The following RAPGEF5 variants were observed in gnomAD, a reference collection of about 807,000 sequenced individuals.
The protein encoded by RAPGEF5 is M-Ras-regulated GEF.
Under a neutral mutation model 125.2 loss-of-function variants are expected in RAPGEF5, and 65 were observed. That is an observed-to-expected ratio of 0.52 (90% CI 0.43 to 0.64). RAPGEF5 has a LOEUF of 0.64. RAPGEF5 is among the 30% of genes least tolerant of loss of function. The probability of loss-of-function intolerance (pLI) is 0.00; values close to 1 mark genes in which losing one functional copy is unlikely to be tolerated. For synonymous variants in RAPGEF5, 391 were observed against 385.9 expected (o/e 1.01, Z -0.16); for missense variants, 958 against 1,048.1 (o/e 0.91, Z 1.19).
chr7:22,319,943 C>T (rs1160727167), intron 1 of RAPGEF5, among the ~76,000 whole-genome samples: 1 of 152,124 alleles, frequency 6.6e-6, no homozygotes, highest in African/African-American at 2.4e-5. Context: ...TGGCTGTCTA[C>T]ACACTCGTGT....
At chr7:22,269,142 C>T (rs1782356113) in intron 6 of RAPGEF5, among the ~76,000 whole-genome samples, 1 of 142,516 alleles carries the variant, frequency 7.0e-6, no homozygotes, top group Non-Finnish European at 1.5e-5. Flanking sequence ...TGTACGATAG[C>T]TTCCGTGTTT....
chr7:22,334,356 T>G (rs528333584), intron 1 of RAPGEF5, among the ~76,000 whole-genome samples: 1 of 152,190 alleles, frequency 6.6e-6, no homozygotes, highest in Non-Finnish European at 1.5e-5. Flanking sequence ...AATACACTAT[T>G]CCTAAGGGCA....
intron 3 of RAPGEF5, among the ~76,000 whole-genome samples, chr7:22,312,754 T>C (rs1222191923): frequency 1.3e-5 from 2 of 152,250 alleles, no homozygotes; most frequent in East Asian, 1.9e-4. Flanking sequence ...TATCAAGTTA[T>C]GTTTTAAATC....
chr7:22,162,700 G>T (rs950309218), intron 12 of RAPGEF5, among the ~76,000 whole-genome samples, 159 bp from the exon 13 acceptor site: 1 of 152,314 alleles, frequency 6.6e-6, no homozygotes. Context: ...GCACTGAGAA[G>T]AGCAAAAGTA....
intron 1 of RAPGEF5, among the ~76,000 whole-genome samples, chr7:22,324,814 A>T (rs1327409325): frequency 6.6e-6 from 1 of 151,880 alleles, no homozygotes; most frequent in African/African-American, 2.4e-5. Flanking sequence ...TCCCGAAAAC[A>T]CCTCCCTACA....
At chr7:22,126,064 C>T (rs1782734519) in intron 24 of RAPGEF5, among the ~76,000 whole-genome samples, 2 of 152,128 alleles carry the variant, frequency 1.3e-5, no homozygotes, top group African/African-American at 2.4e-5. Context: ...ACAGGAGAAT[C>T]GCTTGAACCT....
intron 5 of RAPGEF5, among the ~76,000 whole-genome samples, chr7:22,301,422 T>C (rs1434434969): frequency 1.3e-5 from 2 of 152,058 alleles, no homozygotes; most frequent in African/African-American, 2.4e-5. Flanking sequence ...GAGACCATCC[T>C]GGCTAACACA....
chr7:22,299,309 T>C (rs547944111), intron 5 of RAPGEF5, among the ~76,000 whole-genome samples: 2 of 152,308 alleles, frequency 1.3e-5, no homozygotes, highest in African/African-American at 4.8e-5. Context: ...CTTATTTCCT[T>C]TGGGACTTCC....
chr7:22,352,537 T>A (rs1784349920), intron 1 of RAPGEF5, among the ~76,000 whole-genome samples: 2 of 152,172 alleles, frequency 1.3e-5, no homozygotes, highest in Non-Finnish European at 2.9e-5. Context: ...GAAAGGTATT[T>A]GAGTTTACTG....
At position 22,122,458 on chromosome 7, in the gene RAPGEF5, T is replaced by C; in HGVS notation, c.2600A>G (p.Asp867Gly). 2 of 1,613,942 alleles carry C rather than the reference T, an allele frequency of 1.2e-6. No individual in the cohort carries two copies. Among genetic ancestry groups the C allele is most frequent in the Non-Finnish European group, 1.7e-6 (2 of 1,179,864 alleles). ...KSYVNHLYVI[D>G]SQQALFELSH... ...GAGCTCAAACAGAGCCTGCTGGCTG[T>C]CAATGACATACAGGTGATTAACATA... The change falls in exon 26 of 26, where the codon GAC becomes GGC. Residue 867 changes from aspartate to glycine, a missense_variant. Physicochemically the swap from Asp to Gly is moderately conservative, Grantham distance 94 (BLOSUM62 -1). Transcript: ENST00000665637.
chr7:22,260,739 G>A (rs552359353), intron 7 of RAPGEF5, among the ~76,000 whole-genome samples: 59 of 152,140 alleles, frequency 3.9e-4, no homozygotes, highest in African/African-American at 1.3e-3. Context: ...TCCCTATAGA[G>A]ACTTTCATGG....
intron 6 of RAPGEF5, among the ~76,000 whole-genome samples, chr7:22,274,994 T>A (rs1460173423): frequency 6.6e-6 from 1 of 152,204 alleles, no homozygotes; most frequent in Non-Finnish European, 1.5e-5. Context: ...CCAAAATCCA[T>A]GCTCGAAGCT....
intron 7 of RAPGEF5, among the ~76,000 whole-genome samples, chr7:22,254,176 C>G (rs1040628844): frequency 1.3e-5 from 2 of 152,158 alleles, no homozygotes; most frequent in African/African-American, 4.8e-5. Flanking sequence ...TAACATGTGA[C>G]TGCTCCCAAT....
chr7:22,160,727 G>C, intron 13 of RAPGEF5, 112 bp from the exon 14 acceptor site: 1 of 1,286,274 alleles, frequency 7.8e-7, no homozygotes, highest in African/African-American at 1.5e-5. Context: ...TCAGGACAAT[G>C]TACGGGTTTC....
intron 17 of RAPGEF5, 99 bp downstream of exon 17, chr7:22,154,356 G>T: frequency 1.5e-6 from 2 of 1,375,880 alleles, no homozygotes; most frequent in Non-Finnish European, 2.0e-6. Flanking sequence ...TGCGGGCCCA[G>T]AAGGGAGGAG....
chr7:22,310,326 G>A (rs1254262481), intron 3 of RAPGEF5, among the ~76,000 whole-genome samples: 2 of 152,080 alleles, frequency 1.3e-5, no homozygotes, highest in South Asian at 2.1e-4. Flanking sequence ...CTAAAATTTA[G>A]TAAGTATATA....
At chr7:22,215,488 T>C (rs1011350106) in intron 9 of RAPGEF5, among the ~76,000 whole-genome samples, 5 of 152,212 alleles carry the variant, frequency 3.3e-5, no homozygotes, top group Non-Finnish European at 7.3e-5. Context: ...GTTAGTTGTG[T>C]TGATATCTTT....
At chr7:22,305,713 T>C (rs138836284) in intron 5 of RAPGEF5, among the ~76,000 whole-genome samples, 230 of 152,274 alleles carry the variant, frequency 1.5e-3, no homozygotes, top group Non-Finnish European at 2.2e-3. Context: ...AGTCCCCAAT[T>C]ACCCTTCCTA....
intron 7 of RAPGEF5, among the ~76,000 whole-genome samples, chr7:22,263,263 G>A (rs1400064059): frequency 6.6e-6 from 1 of 152,152 alleles, no homozygotes; most frequent in East Asian, 1.9e-4. Flanking sequence ...CTGTAGTTTT[G>A]CAAAATGTTA....
Sources: allele counts gnomAD v4.1 joint callset (sites outside exome capture counted in the v4.1 genomes callset), GRCh38; gene constraint gnomAD v4.1.1; transcripts MANE v1.5; gene names NCBI Gene and HGNC (gene_info 2026-07-23, HGNC 2026-07-21).